The following PALD1 variants were observed in gnomAD, a reference collection of about 807,000 sequenced individuals.
PALD1 encodes paladin.
PALD1 carries 57 observed loss-of-function variants against 96.0 expected under a neutral mutation model. The observed-to-expected ratio is 0.59, with a 90% CI of 0.48 to 0.74. PALD1 has a LOEUF of 0.74. Among genes scored for constraint, PALD1 ranks in the 30% least tolerant of loss-of-function variants. The pLI is 0.00. For synonymous variants in PALD1, 464 were observed against 473.6 expected (o/e 0.98, Z 0.26); for missense variants, 1,063 against 1,143.7 (o/e 0.93, Z 1.02).
intron 1 of PALD1, among the ~76,000 whole-genome samples, chr10:70,515,546 C>T (rs959437015): frequency 1.8e-4 from 28 of 152,202 alleles, no homozygotes; most frequent in African/African-American, 5.8e-4. Flanking sequence ...CCTGAAGGTT[C>T]ACGTCTGTGG....
intron 18 of PALD1, among the ~76,000 whole-genome samples, chr10:70,559,506 C>T (rs1188188250): frequency 6.6e-6 from 1 of 152,118 alleles, no homozygotes; most frequent in Non-Finnish European, 1.5e-5. Context: ...TGAGAATAGA[C>T]AGCAGGGGGC....
In PALD1 at chr10:70,531,282, C is replaced by G; in HGVS notation, c.469-8C>G. 6.2e-7 allele frequency: 1 copy of G among 1,607,234 alleles called. No individual in the cohort carries two copies. Among genetic ancestry groups the G allele is most frequent in the Non-Finnish European group, 8.5e-7 (1 of 1,174,472 alleles). On this transcript the variant is annotated splice_polypyrimidine_tract_variant and splice_region_variant and intron_variant, in intron 4 of 19. Coordinates refer to ENST00000263563, the MANE Select transcript of PALD1 (RefSeq NM_014431.3). ...TGATGGCTTCCTTCCCCCTCGGGCT[C>G]CTGGCAGGAGTGTGTCATCTTCTGT...
intron 1 of PALD1, among the ~76,000 whole-genome samples, chr10:70,524,665 T>C (rs2132348976): frequency 6.6e-6 from 1 of 152,368 alleles, no homozygotes; most frequent in Admixed American, 6.5e-5. Flanking sequence ...GGTGGGGCTG[T>C]GGCCTGCACT....
intron 1 of PALD1, among the ~76,000 whole-genome samples, chr10:70,514,055 A>G (rs947143173): frequency 6.6e-6 from 1 of 152,154 alleles, no homozygotes. Context: ...CAGTGGGCCG[A>G]CCTGATTTGC....
At chr10:70,522,727 G>A (rs1846763837) in intron 1 of PALD1, among the ~76,000 whole-genome samples, 1 of 152,098 alleles carries the variant, frequency 6.6e-6, no homozygotes, top group Non-Finnish European at 1.5e-5. Flanking sequence ...TGAGCACTAG[G>A]CACCCCACCT....
At chr10:70,527,371 G>C (rs544900319) in intron 2 of PALD1, among the ~76,000 whole-genome samples, 1 of 152,322 alleles carries the variant, frequency 6.6e-6, no homozygotes, top group South Asian at 2.1e-4. Context: ...GGTGTAGAAT[G>C]TTTGAAGTGG....
intron 7 of PALD1, among the ~76,000 whole-genome samples, chr10:70,533,415 G>A (rs1250767066): frequency 6.6e-6 from 1 of 152,062 alleles, no homozygotes; most frequent in Non-Finnish European, 1.5e-5. Flanking sequence ...ATGTAGGTGT[G>A]TGTTTGTGCA....
intron 18 of PALD1, among the ~76,000 whole-genome samples, chr10:70,550,692 C>T (rs1847463407): frequency 6.6e-6 from 1 of 152,200 alleles, no homozygotes; most frequent in Non-Finnish European, 1.5e-5. Flanking sequence ...TTTGCATGGT[C>T]TGGCCATTTC....
chr10:70,523,137 A>T (rs1030651636), intron 1 of PALD1, among the ~76,000 whole-genome samples: 1 of 152,196 alleles, frequency 6.6e-6, no homozygotes, highest in Admixed American at 6.5e-5. Context: ...AGCTGTGAAC[A>T]TCTGTGTCGT....
chr10:70,547,380 T>C lies in PALD1; in HGVS notation c.2196T>C (p.Thr732=). ...VKKEVDAALD[T]VSETMTPMHY... is the part of the protein sequence containing the mutation. ...AGGAGGTGGACGCAGCGCTGGACAC[T>C]GTCAGCGAGACCATGACGCCCATGC... The change falls in exon 18 of 20, where the codon ACT becomes ACC. Residue 732 remains threonine (T), a synonymous_variant. Transcript: ENST00000263563. 3 of 1,611,280 alleles carry C rather than the reference T, an allele frequency of 1.9e-6. No homozygotes were observed. The highest frequency in any genetic ancestry group is 4.5e-5 in the East Asian group (2 of 44,772).
In PALD1 at chr10:70,562,249, C is replaced by T. The variant is rs150725026; in HGVS notation, c.2263-2115C>T. 6.2e-3 allele frequency among the ~76,000 whole-genome samples: 941 copies of T among 152,326 alleles called. 6 individuals are homozygous for T. The highest frequency in any genetic ancestry group is 0.01 in the Middle Eastern group (3 of 294). On this transcript the variant is annotated intron_variant, in intron 18 of 19. Transcript: ENST00000263563. ...CCCCTCTTGGGCACAGCCTGCTGTC[C>T]ACCTTTCACCCCTGTCCCCATCTCC...
At chr10:70,509,052 C>T (rs891800903) in intron 1 of PALD1, among the ~76,000 whole-genome samples, 1 of 152,176 alleles carries the variant, frequency 6.6e-6, no homozygotes, top group Non-Finnish European at 1.5e-5. Context: ...GGCCCTCTGC[C>T]GTCCCCCAGA....
chr10:70,518,807 C>G (rs1012050457), intron 1 of PALD1, among the ~76,000 whole-genome samples: 3 of 152,246 alleles, frequency 2.0e-5, no homozygotes, highest in African/African-American at 4.8e-5. Flanking sequence ...CAAACCCCAC[C>G]TCACCCCAGT....
chr10:70,500,748 G>T (rs1055396094), intron 1 of PALD1, among the ~76,000 whole-genome samples: 5 of 152,200 alleles, frequency 3.3e-5, no homozygotes, highest in African/African-American at 4.8e-5. Flanking sequence ...GATTATAGGG[G>T]TGGGGGAAGG....
intron 17 of PALD1, among the ~76,000 whole-genome samples, chr10:70,545,864 A>T (rs1847351264): frequency 6.6e-6 from 1 of 152,122 alleles, no homozygotes; most frequent in Non-Finnish European, 1.5e-5. Flanking sequence ...CTCCAGCCCT[A>T]GTACGTGACA....
At position 70,531,419 on chromosome 10, in the gene PALD1, C is replaced by G. The variant is rs200126060; in HGVS notation, c.598C>G (p.Arg200Gly). The change falls in exon 5 of 20, where the codon CGG (arginine) becomes GGG (glycine). Residue 200 changes from arginine (R) to glycine (G), a missense_variant. Coordinates refer to ENST00000263563, the MANE Select transcript of PALD1 (RefSeq NM_014431.3). ...CCTCCAGGGCCTTGGACCCGGGGTCCGGGTGGAGAGCCTGGAGCTGGCCAT... is the reference window on the plus strand; with the variant it reads ...CCTCCAGGGCCTTGGACCCGGGGTCGGGGTGGAGAGCCTGGAGCTGGCCAT... Reference protein sequence around the residue: ...ENLQGLGPGVRVESLELAIRK... With the variant: ...ENLQGLGPGVGVESLELAIRK... 6 of 1,613,890 alleles carry G rather than the reference C, an allele frequency of 3.7e-6. No individual in the cohort carries two copies. The highest frequency in any genetic ancestry group is 1.7e-5 in the Admixed American group (1 of 60,004).
the PALD1 span, among the ~76,000 whole-genome samples, chr10:70,467,524 G>A: frequency 2.0e-5 from 3 of 152,168 alleles, no homozygotes; most frequent in African/African-American, 4.8e-5. Flanking sequence ...CTAACACCCC[G>A]CACAGTTCGC....
At chr10:70,512,717 A>C (rs1213236658) in intron 1 of PALD1, among the ~76,000 whole-genome samples, 1 of 152,194 alleles carries the variant, frequency 6.6e-6, no homozygotes, top group Non-Finnish European at 1.5e-5. Flanking sequence ...TGGAAGGCCC[A>C]CCCCAGGACA....
At chr10:70,525,864 G>A (rs2132351862) in intron 1 of PALD1, 59 bp from the exon 2 acceptor site, 1 of 1,384,060 alleles carries the variant, frequency 7.2e-7, no homozygotes, top group South Asian at 1.2e-5. Flanking sequence ...AGGTGGGTCA[G>A]GTCTCCTGCT....
Sources: gnomAD v4.1 joint callset for allele counts (sites outside exome capture counted in the v4.1 genomes callset) on GRCh38, gnomAD v4.1.1 for gene constraint, MANE v1.5 for transcripts, NCBI Gene and HGNC (gene_info 2026-07-23, HGNC 2026-07-21) for gene names.